CHST3: variants seen among roughly 807,000 people sequenced by gnomAD.
The protein encoded by CHST3 is C6ST-1.
CHST3 carries 20 observed loss-of-function variants against 35.4 expected under a neutral mutation model. The observed-to-expected ratio is 0.57, with a 90% CI of 0.40 to 0.82. CHST3 has a LOEUF of 0.82. CHST3 is among the 40% of genes least tolerant of loss of function. CHST3 has a pLI of 0.00. For synonymous variants in CHST3, 334 were observed against 295.9 expected (o/e 1.13, Z -1.32); for missense variants, 693 against 670.1 (o/e 1.03, Z -0.38).
At chr10:72,006,762 G>A (rs1169680286) in intron 2 of CHST3, among the ~76,000 whole-genome samples, 1 of 152,204 alleles carries the variant, frequency 6.6e-6, no homozygotes, top group African/African-American at 2.4e-5. Flanking sequence ...CCCCCCTTGG[G>A]TCACTGAGCA....
chr10:72,005,724 G>A lies in CHST3; in HGVS notation c.-107-12G>A, dbSNP rs1372571218. ...ACAGACAAGGGTGTTCTGACCACCT[G>A]TCTCTCCGCAGGACAAGGGTGTCCC... On this transcript the variant is annotated splice_polypyrimidine_tract_variant and intron_variant, in intron 1 of 2. Coordinates refer to ENST00000373115, the MANE Select transcript of CHST3 (RefSeq NM_004273.5). The A allele has an allele frequency of 7.9e-7, 1 of 1,269,802 alleles. No individual in the cohort carries two copies. Among genetic ancestry groups the A allele is most frequent in the Non-Finnish European group, 1.1e-6 (1 of 880,736 alleles). 78.7% of individuals were successfully genotyped at this position (1,269,802 alleles called of 1,614,324 possible). A position where few individuals can be genotyped will look rare whatever the true frequency, so the allele number is the denominator to read the frequency against.
Position 72,003,717 on chromosome 10 carries a change from A to AGG in CHST3, c.-107-2017_-107-2016dup, listed in dbSNP as rs1554817248. On this transcript the variant is annotated intron_variant, in intron 1 of 2. Coordinates refer to ENST00000373115, the MANE Select transcript of CHST3 (RefSeq NM_004273.5). Reference sequence around the variant, plus strand: ...CTCTGTCTCAAAAAAAAAAAAAAAAAGGGAATAGACTCTTCTTTCTGCAGC... The same window carrying AGG: ...CTCTGTCTCAAAAAAAAAAAAAAAAAGGGGGAATAGACTCTTCTTTCTGCAGC... 1.6e-3 allele frequency among the ~76,000 whole-genome samples: 233 copies of AGG among 149,346 alleles called. 1 individual carries two copies. The highest frequency in any genetic ancestry group is 5.5e-3 in the African/African-American group (223 of 40,540).
chr10:71,978,606 G>A (rs770430918), intron 1 of CHST3, among the ~76,000 whole-genome samples: 1 of 152,180 alleles, frequency 6.6e-6, no homozygotes, highest in Non-Finnish European at 1.5e-5. Context: ...TTCTAGAAGC[G>A]CACACATCGA....
At chr10:71,981,546 G>A (rs1839801651) in intron 1 of CHST3, among the ~76,000 whole-genome samples, 1 of 152,124 alleles carries the variant, frequency 6.6e-6, no homozygotes, top group African/African-American at 2.4e-5. Context: ...AAGGACTCCA[G>A]CCCCCCCAGG....
chr10:71,969,383 G>A (rs933194930), intron 1 of CHST3, among the ~76,000 whole-genome samples: 2 of 152,192 alleles, frequency 1.3e-5, no homozygotes, highest in Non-Finnish European at 2.9e-5. Flanking sequence ...TTCTATCCCC[G>A]GCCCCAAGGG....
chr10:71,985,289 G>A (rs1433020231), intron 1 of CHST3, among the ~76,000 whole-genome samples: 2 of 152,236 alleles, frequency 1.3e-5, no homozygotes, highest in Non-Finnish European at 2.9e-5. Context: ...GCCTGCAGCC[G>A]CTAGTCCCAG....
chr10:71,970,237 C>G (rs1468669254), intron 1 of CHST3, among the ~76,000 whole-genome samples: 1 of 148,660 alleles, frequency 6.7e-6, no homozygotes, highest in Non-Finnish European at 1.5e-5. Context: ...GCCCTCCGTC[C>G]TCTTGATCCC....
intron 1 of CHST3, among the ~76,000 whole-genome samples, chr10:71,996,896 T>G (rs1200644582): frequency 6.6e-6 from 1 of 152,002 alleles, no homozygotes; most frequent in African/African-American, 2.4e-5. Flanking sequence ...TTTCCTGGGT[T>G]GGTTGGTTTG....
chr10:71,998,827 G>A (rs1317588860), intron 1 of CHST3, among the ~76,000 whole-genome samples: 1 of 152,198 alleles, frequency 6.6e-6, no homozygotes, highest in Non-Finnish European at 1.5e-5. Context: ...GGGAGAGGAA[G>A]AGCAAGCTGG....
chr10:72,007,034 A>G, intron 2 of CHST3, 138 bp from the exon 3 acceptor site: 1 of 934,948 alleles, frequency 1.1e-6, no homozygotes, highest in Non-Finnish European at 1.7e-6. Context: ...CTTAAACACA[A>G]ATCCTTGCCT....
chr10:72,007,265 G>C lies in CHST3; in HGVS notation c.234G>C (p.Leu78Phe), dbSNP rs1840048401. The change falls in exon 3 of 3, where the codon TTG becomes TTC. Residue 78 changes from leucine to phenylalanine, a missense_variant. Coordinates refer to ENST00000373115, the MANE Select transcript of CHST3 (RefSeq NM_004273.5). ...ALILAENASL[L>F]SLSELDSAFS... ...TCTTAGCTGAGAACGCATCTCTCTT[G>C]TCCCTGAGCGAGCTCGATTCAGCCT... 1 of 1,614,104 alleles carries C rather than the reference G, an allele frequency of 6.2e-7. No individual in the cohort carries two copies. Among genetic ancestry groups the C allele is most frequent in the Admixed American group, 1.7e-5 (1 of 60,004 alleles).
intron 1 of CHST3, among the ~76,000 whole-genome samples, chr10:72,003,431 G>A (rs1840011378): frequency 6.6e-6 from 1 of 152,188 alleles, no homozygotes; most frequent in Non-Finnish European, 1.5e-5. Context: ...CAGGCACAGT[G>A]GCTCACACCT....
chr10:71,970,450 G>A (rs374852475), intron 1 of CHST3, among the ~76,000 whole-genome samples: 11 of 152,156 alleles, frequency 7.2e-5, no homozygotes, highest in East Asian at 3.8e-4. Flanking sequence ...AGGCCAGCCC[G>A]GGATGTTCTT....
At chr10:71,998,100 C>G (rs562985018) in intron 1 of CHST3, among the ~76,000 whole-genome samples, 2 of 152,232 alleles carry the variant, frequency 1.3e-5, no homozygotes, top group South Asian at 4.1e-4. Context: ...GATCATGCCA[C>G]TGTACCCCAG....
intron 1 of CHST3, among the ~76,000 whole-genome samples, chr10:71,970,069 AGGCCTGGAC>A (rs1157478977): frequency 6.6e-6 from 1 of 152,244 alleles, no homozygotes; most frequent in Non-Finnish European, 1.5e-5. Context: ...GGCCCCTGGC[AGGCCTGGAC>A]GGTTTGTTCT....
At chr10:71,980,911 G>T (rs1288371756) in intron 1 of CHST3, among the ~76,000 whole-genome samples, 2 of 152,196 alleles carry the variant, frequency 1.3e-5, no homozygotes, top group Non-Finnish European at 2.9e-5. Flanking sequence ...AATATAAAGT[G>T]TTGCATGTAG....
chr10:72,004,122 T>G (rs1840016764), intron 1 of CHST3, among the ~76,000 whole-genome samples: 1 of 152,140 alleles, frequency 6.6e-6, no homozygotes, highest in Non-Finnish European at 1.5e-5. Flanking sequence ...GAGCCAAGAT[T>G]ACGCCATTGC....
intron 1 of CHST3, among the ~76,000 whole-genome samples, chr10:71,995,724 A>C (rs940822826): frequency 6.6e-6 from 1 of 152,200 alleles, no homozygotes; most frequent in Non-Finnish European, 1.5e-5. Context: ...CAGTCAGAAC[A>C]CAGACATTTA....
At position 71,984,864 on chromosome 10, in the gene CHST3, G is replaced by C. The variant is rs78643336; in HGVS notation, c.-108+20170G>C. Among the ~76,000 whole-genome samples the C allele has an allele frequency of 6.0e-3, 920 of 152,286 alleles. 9 individuals carry two copies. The highest frequency in any genetic ancestry group is 0.021 in the African/African-American group (876 of 41,550). The stretch of plus-strand genomic sequence containing the variant: ...TTTTCCTTCCTGTTCCTAGTGCCTG[G>C]TTCCATGCTTGGCCCAGAGCAAGTC... On this transcript the variant is annotated intron_variant, in intron 1 of 2. Coordinates refer to ENST00000373115, the MANE Select transcript of CHST3 (RefSeq NM_004273.5).
Sources: gnomAD v4.1 joint callset for allele counts (sites outside exome capture counted in the v4.1 genomes callset) on GRCh38, gnomAD v4.1.1 for gene constraint, MANE v1.5 for transcripts, NCBI Gene and HGNC (gene_info 2026-07-23, HGNC 2026-07-21) for gene names.